USH2A: variants seen among roughly 807,000 people sequenced by gnomAD.
USH2A encodes usherin, also known as Usher syndrome 2A (autosomal recessive, mild).
Under a neutral mutation model 538.9 loss-of-function variants are expected in USH2A, and 443 were observed. The ratio of observed to expected loss-of-function variants is 0.82; its 90% confidence interval spans 0.76 to 0.89. The LOEUF is 0.89. Ranked by LOEUF, USH2A falls within the 40% of genes least tolerant of loss-of-function variation. USH2A has a pLI of 0.00. For missense variants in USH2A, 6,633 were observed against 6,324.8 expected, an observed-to-expected ratio of 1.05 and a Z score of -1.65; for synonymous variants, 2,413 against 2,273.5, an observed-to-expected ratio of 1.06 and a Z score of -1.75.
intron 30 of USH2A, among the ~76,000 whole-genome samples, chr1:216,061,075 G>GGA (rs902739791): frequency 7.9e-5 from 12 of 152,288 alleles, no homozygotes; most frequent in Admixed American, 2.0e-4. Flanking sequence ...CTTGGCCTTG[G>GGA]GAGGGCACAG....
intron 21 of USH2A, among the ~76,000 whole-genome samples, chr1:216,135,134 A>ACTCTCTCT (rs10560983): frequency 3.3e-5 from 4 of 121,030 alleles, no homozygotes; most frequent in Admixed American, 8.6e-5. Flanking sequence ...GGAGCCTGAA[A>ACTCTCTCT]CTCTCTCTCT....
intron 11 of USH2A, among the ~76,000 whole-genome samples, chr1:216,255,505 TGTTA>T (rs1276604422): frequency 2.0e-5 from 3 of 152,224 alleles, no homozygotes; most frequent in African/African-American, 7.2e-5. Flanking sequence ...TTTAGAATTT[TGTTA>T]GTTAGTTTCC....
intron 3 of USH2A, among the ~76,000 whole-genome samples, chr1:216,395,983 TTTCAAC>T (rs1355928972): frequency 6.6e-6 from 1 of 152,162 alleles, no homozygotes; most frequent in Non-Finnish European, 1.5e-5. Context: ...ACTTACACTG[TTTCAAC>T]TCCTCCACAG....
chr1:215,919,006 T>C (rs989898104), intron 38 of USH2A, among the ~76,000 whole-genome samples: 1 of 152,086 alleles, frequency 6.6e-6, no homozygotes, highest in Admixed American at 6.6e-5. Flanking sequence ...ACGCTTCTTT[T>C]ATTTTTATAT....
chr1:216,020,805 C>A (rs1028273069), intron 32 of USH2A, among the ~76,000 whole-genome samples: 3 of 152,136 alleles, frequency 2.0e-5, no homozygotes, highest in African/African-American at 7.2e-5. Context: ...AGCCCCTAAA[C>A]AGAATTTGAG....
intron 43 of USH2A, among the ~76,000 whole-genome samples, chr1:215,871,092 G>T (rs1399508231): frequency 1.3e-5 from 2 of 152,008 alleles, no homozygotes; most frequent in African/African-American, 4.8e-5. Context: ...AATTGTTTTT[G>T]GGTCCATTTA....
intron 3 of USH2A, among the ~76,000 whole-genome samples, 157 bp from the exon 4 acceptor site, chr1:216,365,242 A>C (rs1381859671): frequency 6.6e-6 from 1 of 152,114 alleles, no homozygotes; most frequent in African/African-American, 2.4e-5. Flanking sequence ...TGATATCTCC[A>C]TGTGTTTATC....
At chr1:215,650,850 T>C in intron 64 of USH2A, 49 bp from the exon 65 acceptor site, 1 of 1,387,224 alleles carries the variant, frequency 7.2e-7, no homozygotes, top group Non-Finnish European at 9.6e-7. Context: ...ACCCTAAGGC[T>C]GGGAAAAAAA....
chr1:215,734,698 G>A (rs533287276), intron 60 of USH2A, among the ~76,000 whole-genome samples: 1 of 152,260 alleles, frequency 6.6e-6, no homozygotes, highest in African/African-American at 2.4e-5. Context: ...AGTACCCTAG[G>A]TTTTTACTCT....
chr1:215,811,055 C>T (rs1046201488), intron 49 of USH2A, among the ~76,000 whole-genome samples: 1 of 152,220 alleles, frequency 6.6e-6, no homozygotes, highest in East Asian at 1.9e-4. Flanking sequence ...GTAAGAAAAT[C>T]CTGACACTGG....
intron 38 of USH2A, among the ~76,000 whole-genome samples, chr1:215,926,981 A>G (rs1482723738): frequency 2.0e-5 from 3 of 152,112 alleles, no homozygotes; most frequent in Admixed American, 2.0e-4. Flanking sequence ...AGAGATGGAT[A>G]GTTGACTACT....
At chr1:216,080,265 A>G (rs1010645712) in intron 26 of USH2A, among the ~76,000 whole-genome samples, 4 of 152,174 alleles carry the variant, frequency 2.6e-5, no homozygotes, top group African/African-American at 9.6e-5. Context: ...AGGGTCTTGT[A>G]GTAGAAAATA....
At chr1:216,325,145 A>ATGCCAAGGCACCCTCC (rs2037703577) in intron 6 of USH2A, among the ~76,000 whole-genome samples, 160 bp downstream of exon 6, 1 of 152,130 alleles carries the variant, frequency 6.6e-6, no homozygotes, top group Non-Finnish European at 1.5e-5. Context: ...CCTCCTCTGG[A>ATGCCAAGGCACCCTCC]ATCTTTAAGG....
Position 215,998,902 on chromosome 1 carries a change from A to T in USH2A, c.6642T>A (p.Tyr2214Ter). ...MLQYVLPGNK[Y>*]LIKLGACTGG... ...ATAAACTTACTCCCAGCTTGATGAG[A>T]TATTTATTACCAGGTAAAACGTATT... Residue 2214 changes from tyrosine to a stop codon, truncating the protein, a stop_gained, in exon 34 of 72, where the codon TAT (tyrosine) becomes TAA (stop). Coordinates refer to ENST00000307340, the MANE Select transcript of USH2A (RefSeq NM_206933.4). LOFTEE classifies it high-confidence loss of function. The T allele has an allele frequency of 6.2e-7, 1 of 1,613,084 alleles. No homozygotes were observed.
rs542889818 is a variant in USH2A at position 215,806,005 on chromosome 1, A to G, written c.9740-6880T>C. On this transcript the variant is annotated intron_variant, in intron 49 of 71. Coordinates refer to ENST00000307340, the MANE Select transcript of USH2A (RefSeq NM_206933.4). ...CAATCAAAAAAAAAAAAAAAAAAGG[A>G]CAAACTGACAAAACAGCACCTCTCT... Among the ~76,000 whole-genome samples the G allele has an allele frequency of 5.4e-5, 8 of 147,296 alleles. No homozygotes were observed. The South Asian group carries it at 1.3e-3, about 24-fold the overall frequency.
intron 9 of USH2A, among the ~76,000 whole-genome samples, chr1:216,314,441 T>C (rs1326216013): frequency 6.6e-6 from 1 of 151,910 alleles, no homozygotes; most frequent in East Asian, 1.9e-4. Flanking sequence ...AGCATTACAA[T>C]AATTAAAATA....
chr1:216,089,782 A>C (rs895455173), intron 22 of USH2A, among the ~76,000 whole-genome samples: 5 of 151,942 alleles, frequency 3.3e-5, no homozygotes, highest in African/African-American at 1.2e-4. Context: ...AATGGCAGAT[A>C]TTAAGAACAG....
intron 38 of USH2A, among the ~76,000 whole-genome samples, chr1:215,908,450 T>C (rs903039644): frequency 1.3e-5 from 2 of 151,914 alleles, no homozygotes; most frequent in Non-Finnish European, 2.9e-5. Flanking sequence ...CTTTTAAAAG[T>C]ACTATCTGTA....
intron 61 of USH2A, among the ~76,000 whole-genome samples, chr1:215,724,220 AACACACACAC>A (rs3049512): frequency 6.8e-6 from 1 of 147,832 alleles, no homozygotes; most frequent in Admixed American, 6.8e-5. Flanking sequence ...TAGAATGTGA[AACACACACAC>A]ACACACACAC....
Sources: gnomAD v4.1 joint callset for allele counts (sites outside exome capture counted in the v4.1 genomes callset) on GRCh38, gnomAD v4.1.1 for gene constraint, MANE v1.5 for transcripts, NCBI Gene and HGNC (gene_info 2026-07-23, HGNC 2026-07-21) for gene names.